Variants in ZNF385D observed in about 807,000 individuals in gnomAD.
ZNF385D encodes the protein zinc finger protein 659.
A neutral mutation model predicts 35.8 loss-of-function variants in ZNF385D; 15 were observed. The observed-to-expected ratio is 0.42, with a 90% CI of 0.28 to 0.64. ZNF385D has a LOEUF of 0.64. Ranked by LOEUF, ZNF385D falls within the 30% of genes least tolerant of loss-of-function variation. The pLI, the probability that ZNF385D is intolerant of heterozygous loss-of-function variation, is 0.23. For missense variants in ZNF385D, 474 were observed against 494.6 expected, an observed-to-expected ratio of 0.96 and a Z score of 0.39; for synonymous variants, 212 against 186.8, an observed-to-expected ratio of 1.13 and a Z score of -1.10.
rs2063074890 is a variant in ZNF385D, at chr3:21,564,561, A to ATGAT, written c.276+9_276+12dup. 2.0e-6 allele frequency: 3 copies of ATGAT among 1,476,138 alleles called. No individual in the cohort carries two copies. The highest frequency in any genetic ancestry group is 4.9e-5 in the East Asian group (2 of 40,906). 91.4% of individuals were successfully genotyped at this position (1,476,138 alleles called of 1,614,324 possible). ...TTTTTTTTTTTTAAGTGAACACTAA[A>ATGAT]TGATAAACTTACATCAGAATTAAAT... On this transcript the variant is annotated intron_variant, in intron 3 of 7. Transcript: ENST00000281523.
At chr3:21,718,184 C>A (rs2068398062) in intron 1 of ZNF385D, among the ~76,000 whole-genome samples, 1 of 152,218 alleles carries the variant, frequency 6.6e-6, no homozygotes, top group Non-Finnish European at 1.5e-5. Flanking sequence ...AGAAGTAAGC[C>A]ATATGGGCCT....
At chr3:22,360,827 A>C (rs185693485) in intron 2 of ZNF385D, among the ~76,000 whole-genome samples, 2 of 152,028 alleles carry the variant, frequency 1.3e-5, no homozygotes, top group Non-Finnish European at 2.9e-5. Flanking sequence ...ACAGAAATGA[A>C]TAACTGTATT....
intron 2 of ZNF385D, among the ~76,000 whole-genome samples, chr3:21,610,499 G>T (rs76899392): frequency 0.027 from 4,123 of 152,156 alleles, 193 homozygotes; most frequent in African/African-American, 0.094. Context: ...GGCCGGGCGC[G>T]GTGGCTCACG....
At chr3:21,643,052 T>C (rs540089413) in intron 2 of ZNF385D, among the ~76,000 whole-genome samples, 19 of 152,208 alleles carry the variant, frequency 1.2e-4, no homozygotes, top group African/African-American at 4.3e-4. Context: ...AAATGGTACA[T>C]TTAAAAATGG....
intron 3 of ZNF385D, among the ~76,000 whole-genome samples, chr3:21,933,382 T>A (rs1701107962): frequency 6.6e-6 from 1 of 152,168 alleles, no homozygotes; most frequent in Admixed American, 6.5e-5. Flanking sequence ...GTGGTACATT[T>A]GAAATCATGT....
intron 3 of ZNF385D, among the ~76,000 whole-genome samples, chr3:22,040,817 T>C (rs970951582): frequency 6.6e-6 from 1 of 152,052 alleles, no homozygotes; most frequent in Admixed American, 6.6e-5. Context: ...ATAGAGTAAA[T>C]GGAATGAAAT....
At chr3:21,623,303 G>A (rs184291368) in intron 2 of ZNF385D, among the ~76,000 whole-genome samples, 1 of 152,202 alleles carries the variant, frequency 6.6e-6, no homozygotes, top group Admixed American at 6.5e-5. Flanking sequence ...TGGCATTTAT[G>A]ACACTTTTAT....
intron 3 of ZNF385D, chr3:22,133,753 A>T (rs1527636): frequency 0.3 from 45,649 of 151,612 alleles, 7,753 homozygotes; most frequent in South Asian, 0.41. Context: ...GTACTCAAGG[A>T]ATGGCTTCGA....
At chr3:21,652,752 G>A (rs999421423) in intron 2 of ZNF385D, among the ~76,000 whole-genome samples, 98 of 151,970 alleles carry the variant, frequency 6.4e-4, no homozygotes, top group African/African-American at 2.3e-3. Flanking sequence ...GCGATAGTCT[G>A]CTGAGAATGA....
At chr3:21,977,457 G>T (rs983317236) in intron 3 of ZNF385D, among the ~76,000 whole-genome samples, 4 of 152,056 alleles carry the variant, frequency 2.6e-5, no homozygotes, top group African/African-American at 9.7e-5. Context: ...TTAATCAAGG[G>T]AGAGAAGTTC....
intron 3 of ZNF385D, among the ~76,000 whole-genome samples, chr3:22,032,869 T>C (rs915313440): frequency 1.2e-4 from 19 of 152,200 alleles, no homozygotes; most frequent in African/African-American, 3.9e-4. Context: ...GTTCCCATTA[T>C]CATCCTAATT....
chr3:21,575,018 G>A (rs1197024239), intron 2 of ZNF385D, among the ~76,000 whole-genome samples: 2 of 152,038 alleles, frequency 1.3e-5, no homozygotes, highest in South Asian at 2.1e-4. Flanking sequence ...TAAAACAACT[G>A]GAAGCAAATA....
chr3:21,885,359 C>T (rs925481467), intron 3 of ZNF385D, among the ~76,000 whole-genome samples: 15 of 151,786 alleles, frequency 9.9e-5, no homozygotes, highest in African/African-American at 3.4e-4. Flanking sequence ...TTTGCTGAGT[C>T]GAATAATAAT....
chr3:22,145,205 A>C (rs556562603), intron 3 of ZNF385D, among the ~76,000 whole-genome samples: 152 of 152,282 alleles, frequency 1.0e-3, no homozygotes, highest in African/African-American at 3.6e-3. Context: ...TTCTTTATGG[A>C]TATGTTCTCT....
At chr3:22,202,686 C>T (rs2695630) in intron 2 of ZNF385D, among the ~76,000 whole-genome samples, 23,177 of 152,122 alleles carry the variant, frequency 0.15, 1,861 homozygotes, top group Middle Eastern at 0.24. Context: ...CCAGTACTTC[C>T]CCTCTCTCCT....
intron 1 of ZNF385D, among the ~76,000 whole-genome samples, chr3:21,746,633 T>C (rs962283907): frequency 6.6e-6 from 1 of 152,200 alleles, no homozygotes; most frequent in African/African-American, 2.4e-5. Flanking sequence ...CATAGAAGTT[T>C]CTTCCTGAAT....
At chr3:22,234,098 C>G (rs1343777922) in intron 2 of ZNF385D, among the ~76,000 whole-genome samples, 1 of 152,078 alleles carries the variant, frequency 6.6e-6, no homozygotes, top group Non-Finnish European at 1.5e-5. Context: ...ACAATTTTAT[C>G]TTCACTATTC....
chr3:22,289,665 A>C (rs1037947676), intron 2 of ZNF385D, among the ~76,000 whole-genome samples: 2 of 152,106 alleles, frequency 1.3e-5, no homozygotes, highest in Non-Finnish European at 2.9e-5. Flanking sequence ...CCATCTCTTT[A>C]TTCTGTAATC....
At chr3:21,617,874 A>AG (rs2064893815) in intron 2 of ZNF385D, among the ~76,000 whole-genome samples, 1 of 152,192 alleles carries the variant, frequency 6.6e-6, no homozygotes, top group African/African-American at 2.4e-5. Flanking sequence ...GTGTGCAGCC[A>AG]GGGAAGTTAC....
Sources: gnomAD v4.1 joint callset for allele counts (sites outside exome capture counted in the v4.1 genomes callset) on GRCh38, gnomAD v4.1.1 for gene constraint, MANE v1.5 for transcripts, NCBI Gene and HGNC (gene_info 2026-07-23, HGNC 2026-07-21) for gene names.